The following SCAPER variants were observed in gnomAD, a reference collection of about 807,000 sequenced individuals.
The protein encoded by SCAPER is S phase cyclin A-associated protein in the endoplasmic reticulum.
Under a neutral mutation model 182.2 loss-of-function variants are expected in SCAPER, and 98 were observed. The observed-to-expected ratio is 0.54, with a 90% CI of 0.46 to 0.64. The LOEUF is 0.64. Ranked by LOEUF, SCAPER falls within the 30% of genes least tolerant of loss-of-function variation. The pLI is 0.00. For synonymous variants in SCAPER, 605 were observed against 564.6 expected, an observed-to-expected ratio of 1.07 and a Z score of -1.01; for missense variants, 1,432 against 1,690.0, an observed-to-expected ratio of 0.85 and a Z score of 2.68.
intron 1 of SCAPER, among the ~76,000 whole-genome samples, chr15:76,887,847 C>T (rs148425243): frequency 2.0e-5 from 3 of 152,352 alleles, no homozygotes; most frequent in Admixed American, 6.5e-5. Flanking sequence ...GACAGACTGC[C>T]TCCTCACATG....
intron 7 of SCAPER, among the ~76,000 whole-genome samples, chr15:76,799,927 A>G (rs560976783): frequency 2.4e-4 from 37 of 152,052 alleles, no homozygotes; most frequent in African/African-American, 8.9e-4. Flanking sequence ...CTTGCTGCCT[A>G]TCTGTGAGTA....
intron 16 of SCAPER, among the ~76,000 whole-genome samples, chr15:76,729,476 T>A (rs928378178): frequency 6.6e-6 from 1 of 152,076 alleles, no homozygotes; most frequent in African/African-American, 2.4e-5. Flanking sequence ...CCATAGTTAA[T>A]AGATTTTATT....
chr15:76,746,143 A>G (rs1421032970), intron 15 of SCAPER, among the ~76,000 whole-genome samples: 1 of 152,242 alleles, frequency 6.6e-6, no homozygotes, highest in Non-Finnish European at 1.5e-5. Context: ...ACAAAATCCA[A>G]TATCCCTTCA....
At chr15:76,678,650 T>A (rs1237428017) in intron 20 of SCAPER, among the ~76,000 whole-genome samples, 1 of 151,346 alleles carries the variant, frequency 6.6e-6, no homozygotes, top group Non-Finnish European at 1.5e-5. Context: ...AGGAAAGAGA[T>A]CAAGGTACCT....
intron 26 of SCAPER, among the ~76,000 whole-genome samples, chr15:76,423,165 G>C (rs543203787): frequency 1.1e-4 from 17 of 152,040 alleles, no homozygotes; most frequent in South Asian, 4.1e-4. Flanking sequence ...CCCTCTTTTT[G>C]TATTGATTGG....
At chr15:76,657,728 T>C (rs73461304) in intron 21 of SCAPER, among the ~76,000 whole-genome samples, 75 of 152,036 alleles carry the variant, frequency 4.9e-4, no homozygotes, top group Non-Finnish European at 9.6e-4. Flanking sequence ...TATGATCAAA[T>C]AGACTTTATC....
intron 20 of SCAPER, among the ~76,000 whole-genome samples, chr15:76,681,419 T>C (rs980400266): frequency 2.6e-5 from 4 of 152,136 alleles, no homozygotes; most frequent in African/African-American, 7.2e-5. Context: ...AAGAGACCCA[T>C]CTAAGACCAA....
intron 24 of SCAPER, among the ~76,000 whole-genome samples, chr15:76,474,795 T>C (rs1299430061): frequency 6.6e-6 from 1 of 152,220 alleles, no homozygotes; most frequent in Non-Finnish European, 1.5e-5. Flanking sequence ...ATGCTACAGA[T>C]GCTTATTTCC....
intron 25 of SCAPER, among the ~76,000 whole-genome samples, chr15:76,437,891 C>T (rs1471258984): frequency 2.6e-5 from 4 of 152,190 alleles, no homozygotes; most frequent in African/African-American, 9.7e-5. Context: ...ATGCTTTGCT[C>T]ATCCTCAGGC....
chr15:76,836,811 T>A (rs2068994191), intron 5 of SCAPER, among the ~76,000 whole-genome samples: 1 of 150,362 alleles, frequency 6.7e-6, no homozygotes, highest in African/African-American at 2.5e-5. Context: ...GAGGCACAGC[T>A]TGTAGTGAGC....
At chr15:76,632,757 G>A (rs2078317877) in intron 21 of SCAPER, among the ~76,000 whole-genome samples, 2 of 149,414 alleles carry the variant, frequency 1.3e-5, no homozygotes, top group African/African-American at 2.5e-5. Context: ...TTTGATCTCT[G>A]AGGCTGCTGA....
chr15:76,736,822 G>T, intron 15 of SCAPER: 1 of 164,520 alleles, frequency 6.1e-6, no homozygotes, highest in Non-Finnish European at 1.3e-5. Context: ...ACTGGTCTTT[G>T]ATCAAGGAAT....
intron 27 of SCAPER, among the ~76,000 whole-genome samples, chr15:76,403,212 TG>T (rs1398356909): frequency 6.6e-6 from 1 of 152,192 alleles, no homozygotes. Flanking sequence ...AGCTGGCAGG[TG>T]CCACTGTTCC....
rs536551338 is a variant in SCAPER at position 76,636,996 on chromosome 15, G to A, written c.2646-15167C>T. Among the ~76,000 whole-genome samples the A allele has an allele frequency of 1.4e-4, 21 of 151,876 alleles. No homozygotes were observed. The East Asian group carries it at 3.9e-3, about 28-fold the overall frequency. On this transcript the variant is annotated intron_variant, in intron 21 of 31. Coordinates refer to ENST00000563290, the MANE Select transcript of SCAPER (RefSeq NM_020843.4). ...TGCCATTTTATTTTAAAAAAAAACA[G>A]CTTTGAGATAAAATTCATACACTAT...
intron 18 of SCAPER, among the ~76,000 whole-genome samples, chr15:76,704,973 T>G (rs572008080): frequency 6.6e-6 from 1 of 152,170 alleles, no homozygotes; most frequent in African/African-American, 2.4e-5. Context: ...TTGACCATTG[T>G]GGAAGTCAGT....
At chr15:76,675,852 T>A (rs1320772327) in intron 20 of SCAPER, among the ~76,000 whole-genome samples, 1 of 150,606 alleles carries the variant, frequency 6.6e-6, no homozygotes, top group African/African-American at 2.4e-5. Flanking sequence ...TGAGATGGAG[T>A]CCCACTCTAT....
intron 23 of SCAPER, among the ~76,000 whole-genome samples, chr15:76,570,309 T>C (rs1165983683): frequency 6.6e-6 from 1 of 152,058 alleles, no homozygotes; most frequent in East Asian, 1.9e-4. Context: ...TTGATTGTCC[T>C]AGATGCCAAC....
intron 28 of SCAPER, among the ~76,000 whole-genome samples, chr15:76,377,720 C>A (rs1376055838): frequency 6.6e-6 from 1 of 152,156 alleles, no homozygotes; most frequent in African/African-American, 2.4e-5. Flanking sequence ...TATTGGTATA[C>A]AATGAAATGG....
At chr15:76,667,207 A>G (rs2056643646) in intron 20 of SCAPER, among the ~76,000 whole-genome samples, 1 of 152,138 alleles carries the variant, frequency 6.6e-6, no homozygotes, top group African/African-American at 2.4e-5. Context: ...GCCAATGTTC[A>G]GTTCTTATCT....
Sources: allele counts gnomAD v4.1 joint callset (sites outside exome capture counted in the v4.1 genomes callset), GRCh38; gene constraint gnomAD v4.1.1; transcripts MANE v1.5; gene names NCBI Gene and HGNC (gene_info 2026-07-23, HGNC 2026-07-21).